Variants in SMPD4 observed in about 807,000 individuals in gnomAD.
SMPD4 encodes the protein neutral sphingomyelinase 3.
Under a neutral mutation model 97.8 loss-of-function variants are expected in SMPD4, and 58 were observed. The ratio of observed to expected loss-of-function variants is 0.59; its 90% CI spans 0.48 to 0.74. The LOEUF (loss-of-function observed/expected upper bound fraction) is 0.74. Among genes scored for constraint, SMPD4 ranks in the 30% least tolerant of loss-of-function variants. The pLI is 0.00. For missense variants in SMPD4, 853 were observed against 1,080.5 expected (o/e 0.79, Z 2.95); for synonymous variants, 388 against 450.0 (o/e 0.86, Z 1.74).
intron 2 of SMPD4, 72 bp from the exon 3 acceptor site, chr2:130,175,072 A>T (rs1688843227): frequency 1.8e-6 from 2 of 1,088,596 alleles, no homozygotes; most frequent in Admixed American, 3.5e-5. Context: ...CTCTGGCTTG[A>T]GTCAAACAGA....
chr2:130,162,930 A>G (rs1687567590), intron 10 of SMPD4, among the ~76,000 whole-genome samples: 1 of 152,148 alleles, frequency 6.6e-6, no homozygotes, highest in South Asian at 2.1e-4. Context: ...GAGGAAGCAA[A>G]TGTGGGGAAG....
Position 130,161,262 on chromosome 2 carries a change from A to G in SMPD4, c.875T>C (p.Leu292Pro), listed in dbSNP as rs932032775. 1.2e-6 allele frequency: 2 copies of G among 1,614,062 alleles called. No homozygotes were observed. The highest frequency in any genetic ancestry group is 1.7e-6 in the Non-Finnish European group (2 of 1,179,948). Residue 292 changes from leucine to proline, a missense_variant, in exon 11 of 20, where the codon CTG becomes CCG. Leu to Pro is a moderately conservative substitution (Grantham distance 98). This residue lies in a region of SMPD4 where 313 missense variants were observed against 402.2 expected (regional missense o/e 0.78). Coordinates refer to ENST00000680298, the MANE Select transcript of SMPD4 (RefSeq NM_017951.5). ...GCTGGAGACACTGAGTCGGTAGTGC[A>G]GAACCTCCAGCTGAGATAAGAAACA... ...MQSPHAKLEV[L>P]HYRLSVSSAL...
chr2:130,164,274 C>G (rs1315976020), intron 10 of SMPD4, 100 bp downstream of exon 10: 28 of 1,033,756 alleles, frequency 2.7e-5, no homozygotes, highest in Middle Eastern at 4.1e-4. Flanking sequence ...TTTCTGCTTC[C>G]CACCATCCAG....
At chr2:130,181,716 G>C (rs1277628276), upstream of SMPD4, 1 of 1,549,080 alleles carries the variant, frequency 6.5e-7, no homozygotes, top group East Asian at 2.4e-5. Flanking sequence ...GCGGGGAAGA[G>C]AAATGGCGAG....
rs1320563945 is a variant in SMPD4, at chr2:130,161,251, G to A, written c.886C>T (p.Leu296Phe). ...CTGTAGAGGGCGCTGGAGACACTGA[G>A]TCGGTAGTGCAGAACCTCCAGCTGA... ...HAKLEVLHYR[L>F]SVSSALYSPA... The change falls in exon 11 of 20, where the codon CTC (leucine) becomes TTC (phenylalanine). Residue 296 changes from leucine (L) to phenylalanine (F), a missense_variant. Physicochemically the swap from Leu to Phe is conservative, Grantham distance 22. Transcript: ENST00000680298. 1.2e-6 allele frequency: 2 copies of A among 1,614,080 alleles called. No individual in the cohort carries two copies. Among genetic ancestry groups the A allele is most frequent in the South Asian group, 2.2e-5 (2 of 91,076 alleles).
intron 12 of SMPD4, chr2:130,156,927 C>A: frequency 1.9e-6 from 2 of 1,053,838 alleles, no homozygotes; most frequent in Non-Finnish European, 2.8e-6. Flanking sequence ...CCGTCCCATA[C>A]AAACAGCCCA....
At chr2:130,181,378 G>T (rs1245788251) in intron 1 of SMPD4, 152 bp downstream of exon 1, 51 of 1,448,068 alleles carry the variant, frequency 3.5e-5, no homozygotes, top group East Asian at 2.7e-4. Context: ...CTCAACCGGG[G>T]CCCTCCACTC....
rs1686830394 is a variant in SMPD4 at position 130,156,680 on chromosome 2, A to C, written c.1098-5T>G. The C allele has an allele frequency of 6.2e-7, 1 of 1,612,264 alleles. No homozygotes were observed. On this transcript the variant is annotated splice_polypyrimidine_tract_variant and splice_region_variant and intron_variant, in intron 12 of 19. Coordinates refer to ENST00000680298, the MANE Select transcript of SMPD4 (RefSeq NM_017951.5). ...ACGAACCTCGGGACAGCAGCCCTGC[A>C]GGGGATGGGGAGGGTCACCTGCTGC...
intron 9 of SMPD4, among the ~76,000 whole-genome samples, chr2:130,165,011 G>C (rs1038935053): frequency 6.7e-6 from 1 of 149,852 alleles, no homozygotes; most frequent in African/African-American, 2.5e-5. Context: ...TTGGGAGTCT[G>C]AGGTGGGAGG....
chr2:130,157,140 G>A (rs1431013751), intron 12 of SMPD4, 111 bp downstream of exon 12: 1 of 1,277,538 alleles, frequency 7.8e-7, no homozygotes, highest in African/African-American at 1.5e-5. Context: ...AACAGAAAGG[G>A]ACTCCCCTCA....
intron 10 of SMPD4, among the ~76,000 whole-genome samples, chr2:130,161,967 C>T (rs1308374933): frequency 6.6e-6 from 1 of 152,194 alleles, no homozygotes; most frequent in Non-Finnish European, 1.5e-5. Context: ...GAACTGAGGG[C>T]GAGGACAGGT....
intron 3 of SMPD4, among the ~76,000 whole-genome samples, chr2:130,173,971 T>TA (rs1688726940): frequency 3.3e-4 from 38 of 116,614 alleles, no homozygotes; most frequent in Admixed American, 2.2e-3. Context: ...ATAAATAAAT[T>TA]TAAAAAAAAA....
In SMPD4 at chr2:130,154,419, G is replaced by A. The variant is rs557172249; in HGVS notation, c.1517C>T (p.Ala506Val). 2.9e-5 allele frequency: 46 copies of A among 1,589,606 alleles called. No individual in the cohort carries two copies. The East Asian group carries it at 8.5e-4, about 29-fold the overall frequency. Residue 506 changes from alanine (A) to valine (V), a missense_variant, in exon 16 of 20, where the codon GCC (alanine) becomes GTC (valine). Around this residue, in one of 3 missense-constraint regions of SMPD4, gnomAD observed 511 missense variants for 608.1 expected, o/e 0.84. Coordinates refer to ENST00000680298, the MANE Select transcript of SMPD4 (RefSeq NM_017951.5). The stretch of plus-strand genomic sequence containing the variant: ...CAGGAAGCTCCCAGTGAATGTGGGG[G>A]CCGTGAAGAGTCGGTGCTGGCGGTG... ...IPHRQHRLFT[A>V]PTFTGSFLSP...
In SMPD4 at chr2:130,153,136, G is replaced by T. The variant is rs1189426151; in HGVS notation, c.2061C>A (p.Tyr687Ter). The change falls in exon 19 of 20, where the codon TAC becomes TAA. Residue 687 changes from tyrosine (Y) to a stop codon, truncating the protein, a stop_gained. Coordinates refer to ENST00000680298, the MANE Select transcript of SMPD4 (RefSeq NM_017951.5). LOFTEE classifies it high-confidence loss of function. Reference protein sequence around the residue: ...INGLRRFEIEYQGDPELQPIR... With the variant: ...INGLRRFEIE ...TGGGCTGCAGCTCCGGGTCCCCCTG[G>T]TACTCAATTTCAAACCTTCGCAGCC... is the stretch of plus-strand genomic sequence containing the variant. 2 of 1,613,874 alleles carry T rather than the reference G, an allele frequency of 1.2e-6. No individual in the cohort carries two copies. The highest frequency in any genetic ancestry group is 1.7e-5 in the Admixed American group (1 of 60,008).
At position 130,152,612 on chromosome 2, in the gene SMPD4, G is replaced by A; in HGVS notation, c.2427C>T (p.Val809=). The change falls in exon 20 of 20, where the codon GTC becomes GTT. Residue 809 remains valine, a synonymous_variant. Coordinates refer to ENST00000680298, the MANE Select transcript of SMPD4 (RefSeq NM_017951.5). ...GCAGTGTCATGGCAGAGGCGTAGAG[G>A]ACATAGCCCAGGGTGAGCAGCAGCG... ...PCTLLLTLGY[V]LYASAMTLLT... 2 of 1,553,170 alleles carry A rather than the reference G, an allele frequency of 1.3e-6. No homozygotes were observed. Among genetic ancestry groups the A allele is most frequent in the Non-Finnish European group, 1.7e-6 (2 of 1,148,758 alleles).
At chr2:130,167,633 T>C in intron 8 of SMPD4, 43 bp from the exon 9 acceptor site, 1 of 1,553,904 alleles carries the variant, frequency 6.4e-7, no homozygotes, top group Non-Finnish European at 8.7e-7. Flanking sequence ...AGGCTCCCGC[T>C]GTAACTCGCT....
chr2:130,165,381 G>C (rs1450848208), intron 9 of SMPD4, among the ~76,000 whole-genome samples: 1 of 150,884 alleles, frequency 6.6e-6, no homozygotes, highest in Non-Finnish European at 1.5e-5. Context: ...AGCCAAAATC[G>C]TGCCACTCCA....
rs1573671601 is a variant in SMPD4 at position 130,157,208 on chromosome 2, G to C, written c.1097+43C>G. ...GTGGGCGACACCTTAGGAGGGGAAA[G>C]TGGGGGAGACGGCAGTGGTGGGAAG... On this transcript the variant is annotated intron_variant, in intron 12 of 19. Transcript: ENST00000680298. 2.6e-6 allele frequency: 4 copies of C among 1,551,038 alleles called. No individual in the cohort carries two copies. In the East Asian group the frequency reaches 9.6e-5, roughly 37 times the overall value.
chr2:130,180,488 G>A (rs1407997945), intron 1 of SMPD4, among the ~76,000 whole-genome samples: 2 of 151,820 alleles, frequency 1.3e-5, no homozygotes, highest in Non-Finnish European at 1.5e-5. Context: ...GGCCAGGCTG[G>A]TCTTGAACTC....
Sources: gnomAD v4.1 joint callset for allele counts (sites outside exome capture counted in the v4.1 genomes callset) on GRCh38, gnomAD v4.1.1 for gene constraint, gnomAD v4.1.1 regional missense constraint, MANE v1.5 for transcripts, NCBI Gene and HGNC (gene_info 2026-07-23, HGNC 2026-07-21) for gene names.